UBP1: variants seen among roughly 807,000 people sequenced by gnomAD.
UBP1 encodes the protein upstream binding protein 1, also known as upstream-binding protein 1.
In UBP1, 22 loss-of-function variants were observed where a neutral mutation model predicts 76.1. The ratio of observed to expected loss-of-function variants is 0.29; its 90% CI spans 0.21 to 0.41. UBP1 has a LOEUF of 0.41. Ranked by LOEUF, UBP1 falls within the 10% of genes least tolerant of loss-of-function variation. The pLI is 1.00. For missense variants in UBP1, 436 were observed against 668.1 expected, an observed-to-expected ratio of 0.65 and a Z score of 3.83; for synonymous variants, 224 against 237.1, an observed-to-expected ratio of 0.94 and a Z score of 0.51.
At chr3:33,400,364 T>G (rs2044177754) in intron 10 of UBP1, 82 bp from the exon 11 acceptor site, 1 of 1,149,948 alleles carries the variant, frequency 8.7e-7, no homozygotes, top group Non-Finnish European at 1.2e-6. Context: ...AGCCTCGGAG[T>G]CTGAAGTAAA....
intron 3 of UBP1, among the ~76,000 whole-genome samples, chr3:33,413,640 C>T (rs1439216049): frequency 6.7e-6 from 1 of 149,024 alleles, no homozygotes; most frequent in African/African-American, 2.5e-5. Flanking sequence ...AAAAAGTGAA[C>T]TTAGGCCAGG....
intron 2 of UBP1, among the ~76,000 whole-genome samples, chr3:33,419,297 C>T (rs1269485997): frequency 6.6e-6 from 1 of 152,040 alleles, no homozygotes; most frequent in Non-Finnish European, 1.5e-5. Flanking sequence ...GAGTTCAAGA[C>T]CAGCCTGACC....
intron 11 of UBP1, chr3:33,397,769 T>C (rs1400264224): frequency 6.6e-6 from 1 of 152,194 alleles, no homozygotes; most frequent in African/African-American, 2.4e-5. Flanking sequence ...ACGATGTCAT[T>C]TACAAGTGTA....
intron 3 of UBP1, 58 bp downstream of exon 3, chr3:33,416,700 A>C (rs2044737522): frequency 7.5e-7 from 1 of 1,332,788 alleles, no homozygotes; most frequent in Non-Finnish European, 1.0e-6. Flanking sequence ...TTTTTTTTAA[A>C]CAAAAACTCA....
At chr3:33,397,858 C>G (rs1230635375) in intron 11 of UBP1, 1 of 152,026 alleles carries the variant, frequency 6.6e-6, no homozygotes, top group Non-Finnish European at 1.5e-5. Flanking sequence ...TATCTGAACA[C>G]TCCCTTCGCT....
intron 11 of UBP1, 145 bp from the exon 12 acceptor site, chr3:33,397,280 C>T (rs1169970705): frequency 3.7e-6 from 2 of 542,616 alleles, no homozygotes; most frequent in Non-Finnish European, 6.2e-6. Flanking sequence ...TATAAGAAGA[C>T]AAACAGACAC....
chr3:33,392,699 TCAAA>T (rs550854343), intron 14 of UBP1, 85 bp from the exon 15 acceptor site: 76 of 1,320,578 alleles, frequency 5.8e-5, no homozygotes, highest in Middle Eastern at 1.9e-4. Flanking sequence ...AATATTCTTC[TCAAA>T]CAAACACAGG....
chr3:33,421,397 C>T (rs769487949), intron 2 of UBP1, among the ~76,000 whole-genome samples: 24 of 152,282 alleles, frequency 1.6e-4, no homozygotes, highest in African/African-American at 4.6e-4. Flanking sequence ...CTCAGCCTCC[C>T]GAGTAGCTGG....
chr3:33,423,044 T>C, intron 2 of UBP1, among the ~76,000 whole-genome samples: 1 of 127,628 alleles, frequency 7.8e-6, no homozygotes, highest in African/African-American at 3.1e-5. Flanking sequence ...AAAAAAAGTT[T>C]GTTTTTTTTT....
chr3:33,420,709 G>A (rs2044867783), intron 2 of UBP1, among the ~76,000 whole-genome samples: 1 of 152,044 alleles, frequency 6.6e-6, no homozygotes, highest in Non-Finnish European at 1.5e-5. Context: ...GGATGATCTC[G>A]ATCTCTCGAC....
intron 11 of UBP1, among the ~76,000 whole-genome samples, chr3:33,399,299 T>C (rs1387048796): frequency 6.6e-6 from 1 of 152,194 alleles, no homozygotes. Context: ...CACCTGTCAT[T>C]ATCTATTACT....
At chr3:33,434,078 A>G (rs1436336387) in intron 1 of UBP1, among the ~76,000 whole-genome samples, 1 of 152,138 alleles carries the variant, frequency 6.6e-6, no homozygotes, top group African/African-American at 2.4e-5. Flanking sequence ...AGTTTAGGAG[A>G]CCATATCAAT....
chr3:33,392,786 G>C lies in UBP1; in HGVS notation c.1534-172C>G, dbSNP rs1575444623. ...AGATGCACACGTGCTGCACTGCCTT[G>C]TGTTCACTATGCCTGTCCATAATGG... On this transcript the variant is annotated intron_variant, in intron 14 of 15. Transcript: ENST00000283629. 1.3e-5 allele frequency: 8 copies of C among 602,582 alleles called. No individual in the cohort carries two copies. The East Asian group carries it at 2.4e-4, about 18-fold the overall frequency. The allele number at this position is 602,582 out of a possible 1,614,324, so 37.3% of individuals were successfully genotyped here.
chr3:33,426,039 A>G (rs904600504), intron 1 of UBP1, among the ~76,000 whole-genome samples: 7,259 of 82,834 alleles, frequency 0.088, 677 homozygotes, highest in African/African-American at 0.13. Context: ...ATATATATAT[A>G]GCACTTTAAA....
At chr3:33,432,196 T>C (rs945285110) in intron 1 of UBP1, among the ~76,000 whole-genome samples, 2 of 151,756 alleles carry the variant, frequency 1.3e-5, no homozygotes, top group African/African-American at 4.9e-5. Context: ...TGGTGGCGCA[T>C]ACTCATAAAC....
At chr3:33,392,793 C>T (rs985743669) in intron 14 of UBP1, 179 bp from the exon 15 acceptor site, 3 of 573,220 alleles carry the variant, frequency 5.2e-6, no homozygotes, top group African/African-American at 1.9e-5. Flanking sequence ...CTTGTGTTCA[C>T]TATGCCTGTC....
intron 2 of UBP1, among the ~76,000 whole-genome samples, chr3:33,423,074 C>T (rs2044943576): frequency 1.3e-5 from 2 of 150,788 alleles, no homozygotes; most frequent in Admixed American, 1.3e-4. Flanking sequence ...CAGAGTCTCG[C>T]TCTGTCACCC....
At chr3:33,399,672 C>T (rs1171061485) in intron 11 of UBP1, among the ~76,000 whole-genome samples, 2 of 152,056 alleles carry the variant, frequency 1.3e-5, no homozygotes, top group African/African-American at 2.4e-5. Flanking sequence ...GGTGTGACTC[C>T]GAAGGGGTAG....
intron 4 of UBP1, 126 bp downstream of exon 4, chr3:33,412,596 A>G: frequency 1.5e-6 from 1 of 659,458 alleles, no homozygotes; most frequent in Non-Finnish European, 2.6e-6. Flanking sequence ...AAAAAAAAAA[A>G]AGACACAAAA....
Sources: allele counts gnomAD v4.1 joint callset (sites outside exome capture counted in the v4.1 genomes callset), GRCh38; gene constraint gnomAD v4.1.1; transcripts MANE v1.5; gene names NCBI Gene and HGNC (gene_info 2026-07-23, HGNC 2026-07-21).